NTM: variants seen among roughly 807,000 people sequenced by gnomAD.
NTM encodes the protein neurotrimin.
In NTM, 13 loss-of-function variants were observed where a neutral mutation model predicts 42.1. The ratio of observed to expected loss-of-function variants is 0.31; its 90% CI spans 0.20 to 0.49. The LOEUF is 0.49. Ranked by LOEUF, NTM falls within the 20% of genes least tolerant of loss-of-function variation. The pLI is 0.99. For synonymous variants in NTM, 187 were observed against 179.2 expected, an observed-to-expected ratio of 1.04 and a Z score of -0.35; for missense variants, 373 against 452.8, an observed-to-expected ratio of 0.82 and a Z score of 1.60.
chr11:131,741,261 G>C (rs548365764), intron 1 of NTM, among the ~76,000 whole-genome samples: 23 of 152,160 alleles, frequency 1.5e-4, no homozygotes, highest in Non-Finnish European at 2.9e-4. Context: ...AGGGGCGGTA[G>C]CCTACCCAGA....
chr11:132,032,971 C>T (rs181583014), intron 2 of NTM, among the ~76,000 whole-genome samples: 7 of 152,156 alleles, frequency 4.6e-5, no homozygotes, highest in African/African-American at 1.7e-4. Flanking sequence ...CATTTTTGAG[C>T]TTGACAGAAA....
intron 3 of NTM, among the ~76,000 whole-genome samples, chr11:132,194,857 C>G (rs2079923231): frequency 7.6e-6 from 1 of 132,010 alleles, no homozygotes; most frequent in African/African-American, 2.9e-5. Context: ...GGGTCTCACT[C>G]TGTCACCCAG....
At chr11:131,684,127 C>T in intron 1 of NTM, among the ~76,000 whole-genome samples, 1 of 152,276 alleles carries the variant, frequency 6.6e-6, no homozygotes. Context: ...ATTGGGAGAA[C>T]CCCCTCTGGA....
intron 2 of NTM, among the ~76,000 whole-genome samples, chr11:131,966,293 G>T (rs1199382704): frequency 2.0e-5 from 3 of 152,134 alleles, no homozygotes; most frequent in Non-Finnish European, 4.4e-5. Flanking sequence ...AATAGGCACT[G>T]CTAAAGGAGC....
chr11:131,570,999 G>A (rs756715994), intron 1 of NTM, among the ~76,000 whole-genome samples: 2 of 152,222 alleles, frequency 1.3e-5, no homozygotes, highest in Non-Finnish European at 2.9e-5. Flanking sequence ...GCATGGCAGT[G>A]CAGAGTGGTA....
At chr11:131,485,331 C>T (rs1186167345) in intron 1 of NTM, among the ~76,000 whole-genome samples, 1 of 152,168 alleles carries the variant, frequency 6.6e-6, no homozygotes, top group Non-Finnish European at 1.5e-5. Context: ...GGGATCAGTT[C>T]CAAGTGAAGG....
At chr11:131,931,501 G>GTGTA (rs1156627024) in intron 2 of NTM, among the ~76,000 whole-genome samples, 1 of 150,966 alleles carries the variant, frequency 6.6e-6, no homozygotes, top group Non-Finnish European at 1.5e-5. Flanking sequence ...GTGTGTGTGT[G>GTGTA]TGTATGTGTG....
chr11:131,602,906 T>C (rs2137439710), intron 1 of NTM, among the ~76,000 whole-genome samples: 1 of 152,358 alleles, frequency 6.6e-6, no homozygotes, highest in Middle Eastern at 3.4e-3. Flanking sequence ...CAGCAAGTCC[T>C]GTCAATTCTA....
chr11:132,320,072 A>G (rs2095525849), intron 7 of NTM, among the ~76,000 whole-genome samples: 1 of 152,208 alleles, frequency 6.6e-6, no homozygotes, highest in African/African-American at 2.4e-5. Context: ...GTTACAAGGA[A>G]AACTAACAAA....
intron 1 of NTM, among the ~76,000 whole-genome samples, chr11:131,436,059 C>T (rs770111260): frequency 2.0e-5 from 3 of 152,110 alleles, no homozygotes; most frequent in African/African-American, 4.8e-5. Context: ...TGGTTTTTAA[C>T]GTTGGATCTG....
In NTM at chr11:131,619,531, G is replaced by A. The variant is rs539047807; in HGVS notation, c.82+248643G>A. Among the ~76,000 whole-genome samples, 5 of 152,290 alleles carry A rather than the reference G, an allele frequency of 3.3e-5. No individual in the cohort carries two copies. The South Asian group carries it at 6.2e-4, about 19-fold the overall frequency. On this transcript the variant is annotated intron_variant, in intron 1 of 8. Coordinates refer to ENST00000683400, the MANE Select transcript of NTM (RefSeq NM_001352005.2). ...AAAGTAGATATGGATTTAGTACTACGTTGCAGCATTTTGTCTTTAAAACCA... is the reference window on the plus strand; with the variant it reads ...AAAGTAGATATGGATTTAGTACTACATTGCAGCATTTTGTCTTTAAAACCA...
chr11:131,941,989 C>G (rs1429150015), intron 2 of NTM, among the ~76,000 whole-genome samples: 1 of 152,070 alleles, frequency 6.6e-6, no homozygotes, highest in Non-Finnish European at 1.5e-5. Flanking sequence ...CTTCCTTTTC[C>G]TCTTTTCTTC....
chr11:131,452,833 G>A (rs181939760), intron 1 of NTM, among the ~76,000 whole-genome samples: 6 of 152,126 alleles, frequency 3.9e-5, no homozygotes, highest in Non-Finnish European at 7.4e-5. Flanking sequence ...GATTTTTATC[G>A]CTCAGATGAC....
chr11:132,168,623 C>A (rs1044408332), intron 3 of NTM, among the ~76,000 whole-genome samples: 1 of 152,184 alleles, frequency 6.6e-6, no homozygotes, highest in South Asian at 2.1e-4. Context: ...CCATCATTTG[C>A]TTTATTAAAT....
At chr11:131,963,345 G>C (rs548792857) in intron 2 of NTM, among the ~76,000 whole-genome samples, 15 of 152,284 alleles carry the variant, frequency 9.9e-5, no homozygotes, top group African/African-American at 3.6e-4. Context: ...TTTTATAATG[G>C]ACTGCAAGTA....
chr11:131,976,302 A>G (rs1206843730), intron 2 of NTM, among the ~76,000 whole-genome samples: 1 of 152,002 alleles, frequency 6.6e-6, no homozygotes, highest in Non-Finnish European at 1.5e-5. Flanking sequence ...AGTACAGGAG[A>G]TGGGTTGTTC....
At chr11:132,060,611 G>T (rs1387197388) in intron 2 of NTM, among the ~76,000 whole-genome samples, 2 of 152,180 alleles carry the variant, frequency 1.3e-5, no homozygotes, top group African/African-American at 4.8e-5. Flanking sequence ...ACATGTTATT[G>T]GTGGAAACCA....
chr11:131,370,981 C>A, intron 1 of NTM, 93 bp downstream of exon 1: 2 of 1,573,744 alleles, frequency 1.3e-6, no homozygotes. Context: ...GGCTGTGCTG[C>A]GCTGTTTGCA....
intron 1 of NTM, among the ~76,000 whole-genome samples, chr11:131,440,504 T>G (rs1406707533): frequency 3.3e-5 from 5 of 152,106 alleles, no homozygotes; most frequent in Admixed American, 3.3e-4. Flanking sequence ...AACTTAGACA[T>G]GCATCAGAAT....
Sources: allele counts gnomAD v4.1 joint callset (sites outside exome capture counted in the v4.1 genomes callset), GRCh38; gene constraint gnomAD v4.1.1; transcripts MANE v1.5; gene names NCBI Gene and HGNC (gene_info 2026-07-23, HGNC 2026-07-21).